SLC16A9: variants seen among roughly 807,000 people sequenced by gnomAD.
The protein encoded by SLC16A9 is monocarboxylate transporter 9.
A neutral mutation model predicts 44.3 loss-of-function variants in SLC16A9; 26 were observed. The observed-to-expected ratio is 0.59, with a 90% CI of 0.43 to 0.81. SLC16A9 has a LOEUF of 0.81. Ranked by LOEUF, SLC16A9 falls within the 40% of genes least tolerant of loss-of-function variation. SLC16A9 has a pLI of 0.00. For synonymous variants in SLC16A9, 230 were observed against 225.1 expected (o/e 1.02, Z -0.19); for missense variants, 559 against 595.8 (o/e 0.94, Z 0.64).
chr10:59,696,575 A>T (rs1840382035), intron 1 of SLC16A9, among the ~76,000 whole-genome samples: 1 of 146,034 alleles, frequency 6.8e-6, no homozygotes, highest in Non-Finnish European at 1.5e-5. Flanking sequence ...ATCGTCTGGG[A>T]TGTGAGGAGC....
At chr10:59,692,608 G>C (rs1478661159) in intron 1 of SLC16A9, among the ~76,000 whole-genome samples, 2 of 152,098 alleles carry the variant, frequency 1.3e-5, no homozygotes, top group South Asian at 4.1e-4. Flanking sequence ...AAAAGCTACT[G>C]AAAATTATGT....
At position 59,654,580 on chromosome 10, in the gene SLC16A9, A is replaced by G. The variant is rs1839306634; in HGVS notation, c.446T>C (p.Val149Ala). ...ALGLISTGSSVGLFIYAALQR... is the reference protein window; with the variant it reads ...ALGLISTGSSAGLFIYAALQR... ...CAGAGCAGCATATATGAAAAGGCCA[A>G]CGCTTGAACCTAAAAAGGGAATGGG... Residue 149 changes from valine (V) to alanine (A), a missense_variant, in exon 5 of 6, where the codon GTT becomes GCT. Coordinates refer to ENST00000395348, the MANE Select transcript of SLC16A9 (RefSeq NM_194298.3). 1.9e-6 allele frequency: 3 copies of G among 1,575,082 alleles called. No homozygotes were observed. The highest frequency in any genetic ancestry group is 1.4e-5 in the African/African-American group (1 of 73,770).
intron 4 of SLC16A9, among the ~76,000 whole-genome samples, chr10:59,658,395 A>C (rs968096313): frequency 6.6e-6 from 1 of 152,178 alleles, no homozygotes; most frequent in African/African-American, 2.4e-5. Flanking sequence ...TATTTTAAAG[A>C]ATTTGACTCT....
intron 1 of SLC16A9, among the ~76,000 whole-genome samples, chr10:59,701,526 C>G (rs1234590075): frequency 6.6e-6 from 1 of 152,164 alleles, no homozygotes; most frequent in Non-Finnish European, 1.5e-5. Flanking sequence ...CATTCTTTCC[C>G]TCATGAAGCT....
rs1048367936 is a variant in SLC16A9, at chr10:59,653,727, C to A, written c.1299G>T (p.Gly433=). The A allele has an allele frequency of 6.2e-7, 1 of 1,613,902 alleles. No individual in the cohort carries two copies. Among genetic ancestry groups the A allele is most frequent in the Admixed American group, 1.7e-5 (1 of 59,984 alleles). The change falls in exon 5 of 6, where the codon GGG becomes GGT. Residue 433 remains glycine, a synonymous_variant. Transcript: ENST00000395348. Reference sequence around the variant, plus strand: ...CAAGTCCAGCAAAGAACATTAATATCCCATAGGCATGGGCTAATTTTTCAA... The same window carrying A: ...CAAGTCCAGCAAAGAACATTAATATACCATAGGCATGGGCTAATTTTTCAA... The part of the protein sequence containing the change: ...VGIEKLAHAY[G]ILMFFAGLGN...
At chr10:59,703,726 G>GTT (rs983613868) in intron 1 of SLC16A9, among the ~76,000 whole-genome samples, 1 of 146,678 alleles carries the variant, frequency 6.8e-6, no homozygotes, top group Non-Finnish European at 1.5e-5. Flanking sequence ...TTTTTTTTTC[G>GTT]TTTTTTTTTT....
At chr10:59,672,749 C>T (rs1255002170) in intron 3 of SLC16A9, 21 bp downstream of exon 3, 1 of 1,604,498 alleles carries the variant, frequency 6.2e-7, no homozygotes, top group South Asian at 1.1e-5. Flanking sequence ...TTAGGAAAGT[C>T]ATAGTGACGA....
At chr10:59,708,608 TATA>T (rs771485787) in intron 1 of SLC16A9, 115 of 152,340 alleles carry the variant, frequency 7.5e-4, no homozygotes, top group African/African-American at 2.6e-3. Context: ...TAACTTACTA[TATA>T]AGTAATATAT....
chr10:59,699,418 G>A (rs1456446865), intron 1 of SLC16A9, among the ~76,000 whole-genome samples: 2 of 152,166 alleles, frequency 1.3e-5, no homozygotes, highest in East Asian at 3.9e-4. Context: ...GAGTACATGA[G>A]AACGTCTATT....
chr10:59,662,591 G>A (rs373125939), intron 4 of SLC16A9, among the ~76,000 whole-genome samples: 7 of 121,484 alleles, frequency 5.8e-5, no homozygotes, highest in East Asian at 4.8e-4. Context: ...CTGAGATTGC[G>A]CCACTGCACT....
At chr10:59,668,335 A>C (rs1471549954) in intron 3 of SLC16A9, among the ~76,000 whole-genome samples, 1 of 152,144 alleles carries the variant, frequency 6.6e-6, no homozygotes. Context: ...TGCGCCTCTG[A>C]GTACTTAGGC....
At chr10:59,681,163 A>G (rs1219340919) in intron 2 of SLC16A9, among the ~76,000 whole-genome samples, 7 of 152,068 alleles carry the variant, frequency 4.6e-5, no homozygotes. Flanking sequence ...ACATGAAAAT[A>G]CTTATTCCAC....
chr10:59,670,970 T>G (rs916325959), intron 3 of SLC16A9, among the ~76,000 whole-genome samples: 6 of 152,188 alleles, frequency 3.9e-5, no homozygotes, highest in Non-Finnish European at 7.3e-5. Context: ...GAGATATTTT[T>G]ATTAATTGAA....
At chr10:59,675,064 G>A (rs1005779643) in intron 2 of SLC16A9, among the ~76,000 whole-genome samples, 7 of 152,018 alleles carry the variant, frequency 4.6e-5, no homozygotes, top group Admixed American at 1.3e-4. Flanking sequence ...ATGGAAACAG[G>A]GTTTAAAATT....
chr10:59,662,404 A>T (rs1207856914), intron 4 of SLC16A9, among the ~76,000 whole-genome samples: 3 of 151,996 alleles, frequency 2.0e-5, no homozygotes, highest in Admixed American at 2.0e-4. Context: ...TAGGAGGCTG[A>T]GGCAGGCAGA....
chr10:59,680,208 A>G (rs1398182462), intron 2 of SLC16A9, among the ~76,000 whole-genome samples: 2 of 152,202 alleles, frequency 1.3e-5, no homozygotes, highest in Non-Finnish European at 2.9e-5. Flanking sequence ...AGCAAGGGGA[A>G]GAAGTATTTT....
In SLC16A9 at chr10:59,653,808, C is replaced by T. The variant is rs1343840018; in HGVS notation, c.1218G>A (p.Gly406=). ...AGATGGACCAATTACCAGTAAGAAA[C>T]CCTAGGATCCCAGAAAGCAACGCCA... ...VTLALLSGIL[G]FLTGNWSIFP... is the part of the protein sequence containing the mutation. The change falls in exon 5 of 6, where the codon GGG becomes GGA. Residue 406 remains glycine, a synonymous_variant. Transcript: ENST00000395348. 8 of 1,613,968 alleles carry T rather than the reference C, an allele frequency of 5.0e-6. No homozygotes were observed. The highest frequency in any genetic ancestry group is 6.8e-6 in the Non-Finnish European group (8 of 1,180,030).
chr10:59,665,131 G>C (rs754744383), intron 3 of SLC16A9, among the ~76,000 whole-genome samples: 3 of 152,056 alleles, frequency 2.0e-5, no homozygotes, highest in Admixed American at 6.6e-5. Flanking sequence ...CAAGGCTCTC[G>C]TTTGTTAGCT....
chr10:59,693,662 C>A lies in SLC16A9; in HGVS notation c.-36-9335G>T, dbSNP rs567309292. On this transcript the variant is annotated intron_variant, in intron 1 of 5. Coordinates refer to ENST00000395348, the MANE Select transcript of SLC16A9 (RefSeq NM_194298.3). The stretch of plus-strand genomic sequence containing the variant: ...TGAGATGGAGTCTCACTCTTTCGCC[C>A]AGGCTGGAGTGCAGTGGCGTGATCT... Among the ~76,000 whole-genome samples the A allele has an allele frequency of 5.3e-5, 8 of 152,202 alleles. No individual in the cohort carries two copies. The South Asian group carries it at 1.7e-3, about 32-fold the overall frequency.
Sources: allele counts gnomAD v4.1 joint callset (sites outside exome capture counted in the v4.1 genomes callset), GRCh38; gene constraint gnomAD v4.1.1; transcripts MANE v1.5; gene names NCBI Gene and HGNC (gene_info 2026-07-23, HGNC 2026-07-21).